RBM33: variants seen among roughly 807,000 people sequenced by gnomAD.
RBM33 encodes RNA binding motif protein 33.
Under a neutral mutation model 132.6 loss-of-function variants are expected in RBM33, and 28 were observed. The observed-to-expected ratio is 0.21, with a 90% CI of 0.16 to 0.29. RBM33 has a LOEUF of 0.29. RBM33 is among the 10% of genes least tolerant of loss of function. The pLI is 1.00. For synonymous variants in RBM33, 634 were observed against 593.0 expected, an observed-to-expected ratio of 1.07 and a Z score of -1.01; for missense variants, 1,291 against 1,518.5, an observed-to-expected ratio of 0.85 and a Z score of 2.49.
chr7:155,768,162 G>A (rs760222832), intron 16 of RBM33, among the ~76,000 whole-genome samples: 11 of 152,208 alleles, frequency 7.2e-5, no homozygotes, highest in Admixed American at 3.9e-4. Context: ...TTCATCCTGT[G>A]TAGTCTTGAT....
chr7:155,645,409 G>C (rs1056330488), intron 1 of RBM33, among the ~76,000 whole-genome samples: 3 of 152,358 alleles, frequency 2.0e-5, no homozygotes, highest in African/African-American at 7.2e-5. Flanking sequence ...ATGTGCGACA[G>C]TAGGCCAGTT....
At chr7:155,663,861 T>C (rs1289802518) in intron 1 of RBM33, among the ~76,000 whole-genome samples, 1 of 152,188 alleles carries the variant, frequency 6.6e-6, no homozygotes, top group Non-Finnish European at 1.5e-5. Flanking sequence ...TATGTATGTC[T>C]GAGATGAAAA....
intron 3 of RBM33, among the ~76,000 whole-genome samples, chr7:155,677,930 A>AG (rs1428792167): frequency 3.9e-5 from 6 of 152,192 alleles, no homozygotes; most frequent in Non-Finnish European, 8.8e-5. Context: ...GAACGTGTGA[A>AG]GTAGTGTGAA....
In RBM33 at chr7:155,718,401, T is replaced by G; in HGVS notation, c.1218T>G (p.Val406=). The change falls in exon 9 of 18, where the codon GTT becomes GTG. Residue 406 remains valine (V), a synonymous_variant. Coordinates refer to ENST00000401878, the MANE Select transcript of RBM33 (RefSeq NM_053043.3). ...TTCTTGCAGTGCCCTTGCTACCAGT[T>G]CCGAGCCAGCCGAGACCTGCCGTGG... ...VTPVQVPLLP[V]PSQPRPAVGP... 6.2e-7 allele frequency: 1 copy of G among 1,613,888 alleles called. No individual in the cohort carries two copies. Among genetic ancestry groups the G allele is most frequent in the South Asian group, 1.1e-5 (1 of 91,062 alleles).
intron 4 of RBM33, 29 bp from the exon 5 acceptor site, chr7:155,680,561 C>CTTTTTTTTTTTTTTTTTTT: frequency 9.1e-7 from 1 of 1,097,530 alleles, no homozygotes; most frequent in Non-Finnish European, 1.2e-6. Context: ...TCATTGGGTG[C>CTTTTTTTTTTTTTTTTTTT]TTTTTTTTTT....
At chr7:155,760,236 T>C (rs1801990931) in intron 14 of RBM33, among the ~76,000 whole-genome samples, 1 of 152,232 alleles carries the variant, frequency 6.6e-6, no homozygotes, top group South Asian at 2.1e-4. Flanking sequence ...ACAGCAAATG[T>C]TGTGGTCGGC....
chr7:155,708,185 A>T (rs1476403447), intron 7 of RBM33, among the ~76,000 whole-genome samples: 1 of 152,244 alleles, frequency 6.6e-6, no homozygotes, highest in East Asian at 1.9e-4. Flanking sequence ...TTTTTGTTTT[A>T]GCATGAGAAT....
chr7:155,720,982 A>G (rs1563160108), intron 9 of RBM33, among the ~76,000 whole-genome samples: 1 of 152,238 alleles, frequency 6.6e-6, no homozygotes, highest in Non-Finnish European at 1.5e-5. Flanking sequence ...GTACGCAAAA[A>G]TAGATTTGAA....
In RBM33 at chr7:155,725,889, T is replaced by C. The variant is rs148555267; in HGVS notation, c.1260+7446T>C. Among the ~76,000 whole-genome samples, 29 of 152,286 alleles carry C rather than the reference T, an allele frequency of 1.9e-4. No homozygotes were observed. In the East Asian group the frequency reaches 5.4e-3, roughly 28 times the overall value. ...CTTCAAAATGTTTAGAATGCATCTA[T>C]AAATATCAAAGTACCCTCTAGGAAG... On this transcript the variant is annotated intron_variant, in intron 9 of 17. Coordinates refer to ENST00000401878, the MANE Select transcript of RBM33 (RefSeq NM_053043.3).
intron 14 of RBM33, among the ~76,000 whole-genome samples, chr7:155,757,687 A>G (rs563258470): frequency 2.0e-5 from 3 of 152,186 alleles, no homozygotes; most frequent in Admixed American, 1.3e-4. Context: ...TTGCACTGCT[A>G]TAAAGAAATA....
intron 1 of RBM33, among the ~76,000 whole-genome samples, chr7:155,660,991 G>C (rs1226058377): frequency 6.6e-6 from 1 of 151,644 alleles, no homozygotes; most frequent in Non-Finnish European, 1.5e-5. Flanking sequence ...TACTAAGTCT[G>C]CTAGTTCACA....
chr7:155,707,926 C>T (rs1320505817), intron 7 of RBM33, among the ~76,000 whole-genome samples: 1 of 152,216 alleles, frequency 6.6e-6, no homozygotes, highest in African/African-American at 2.4e-5. Flanking sequence ...TCCCAGAGTG[C>T]TGGGATTACG....
At chr7:155,748,001 C>T (rs936434936) in intron 14 of RBM33, among the ~76,000 whole-genome samples, 1 of 152,196 alleles carries the variant, frequency 6.6e-6, no homozygotes, top group African/African-American at 2.4e-5. Context: ...GCTGGAGAGG[C>T]ATTCTCTGCA....
intron 14 of RBM33, among the ~76,000 whole-genome samples, chr7:155,748,342 A>G (rs548189381): frequency 1.3e-5 from 2 of 152,342 alleles, no homozygotes; most frequent in African/African-American, 4.8e-5. Context: ...GCAGTCTCCT[A>G]TTCTTCACGT....
chr7:155,660,479 A>G (rs1190763230), intron 1 of RBM33, among the ~76,000 whole-genome samples: 1 of 152,244 alleles, frequency 6.6e-6, no homozygotes, highest in Non-Finnish European at 1.5e-5. Flanking sequence ...TGCCAGCAAC[A>G]GATTTCTTCC....
At chr7:155,707,098 A>G (rs531365875) in intron 7 of RBM33, 30 bp downstream of exon 7, 3 of 1,498,450 alleles carry the variant, frequency 2.0e-6, no homozygotes, top group Non-Finnish European at 2.7e-6. Flanking sequence ...TAGTAGCCCT[A>G]GAACTTCAGA....
At chr7:155,750,239 A>G (rs1281434287) in intron 14 of RBM33, among the ~76,000 whole-genome samples, 2 of 152,244 alleles carry the variant, frequency 1.3e-5, no homozygotes, top group Non-Finnish European at 2.9e-5. Flanking sequence ...GCTATTTTTC[A>G]GTGTTTAAGA....
chr7:155,658,725 C>A (rs574738825), intron 1 of RBM33, among the ~76,000 whole-genome samples: 2 of 152,172 alleles, frequency 1.3e-5, no homozygotes, highest in Non-Finnish European at 2.9e-5. Flanking sequence ...TCCTCTCTGC[C>A]AGTCTGTGAT....
At chr7:155,721,420 T>C (rs1015671610) in intron 9 of RBM33, among the ~76,000 whole-genome samples, 1 of 152,216 alleles carries the variant, frequency 6.6e-6, no homozygotes, top group African/African-American at 2.4e-5. Context: ...TTTTAATTTT[T>C]ATATTTTTTA....
Sources: allele counts gnomAD v4.1 joint callset (sites outside exome capture counted in the v4.1 genomes callset), GRCh38; gene constraint gnomAD v4.1.1; transcripts MANE v1.5; gene names NCBI Gene and HGNC (gene_info 2026-07-23, HGNC 2026-07-21).